RHPN2: variants seen among roughly 807,000 people sequenced by gnomAD.
The protein encoded by RHPN2 is rhophilin-2.
A neutral mutation model predicts 79.0 loss-of-function variants in RHPN2; 40 were observed. The observed-to-expected ratio is 0.51, with a 90% CI of 0.39 to 0.66. The LOEUF (loss-of-function observed/expected upper bound fraction) is 0.66. Among genes scored for constraint, RHPN2 ranks in the 30% least tolerant of loss-of-function variants. RHPN2 has a pLI of 0.00. For missense variants in RHPN2, 686 were observed against 883.5 expected (o/e 0.78, Z 2.83); for synonymous variants, 285 against 363.5 (o/e 0.78, Z 2.46).
At chr19:33,016,211 A>T (rs1179508416) in intron 4 of RHPN2, among the ~76,000 whole-genome samples, 4 of 146,896 alleles carry the variant, frequency 2.7e-5, no homozygotes, top group East Asian at 3.9e-4. Flanking sequence ...TTGATTCGAA[A>T]TTTTTTTTTT....
chr19:32,988,717 A>C (rs1002516311), intron 14 of RHPN2, among the ~76,000 whole-genome samples: 2 of 152,040 alleles, frequency 1.3e-5, no homozygotes, highest in African/African-American at 2.4e-5. Context: ...GCCCCTGCCC[A>C]GAAGGCCTTT....
intron 2 of RHPN2, among the ~76,000 whole-genome samples, chr19:33,042,813 G>A (rs2145261915): frequency 6.6e-6 from 1 of 152,288 alleles, no homozygotes; most frequent in South Asian, 2.1e-4. Context: ...AGGCACAGTG[G>A]CTCACGCCTG....
At chr19:33,017,680 C>T (rs989715723) in intron 4 of RHPN2, among the ~76,000 whole-genome samples, 1 of 129,602 alleles carries the variant, frequency 7.7e-6, no homozygotes, top group African/African-American at 2.9e-5. Flanking sequence ...GCCTGGGCAT[C>T]ATAGTGAGGA....
chr19:33,025,207 T>C (rs1301277034), intron 3 of RHPN2, among the ~76,000 whole-genome samples: 1 of 151,006 alleles, frequency 6.6e-6, no homozygotes, highest in Non-Finnish European at 1.5e-5. Context: ...GCACAGTGGC[T>C]CACATCTGTA....
intron 2 of RHPN2, among the ~76,000 whole-genome samples, chr19:33,033,887 A>G (rs1470395094): frequency 6.6e-6 from 1 of 152,004 alleles, no homozygotes; most frequent in African/African-American, 2.4e-5. Context: ...AAAATAAAAT[A>G]AAATAAAAAT....
At chr19:33,031,975 C>A (rs1354795451) in intron 2 of RHPN2, among the ~76,000 whole-genome samples, 1 of 150,258 alleles carries the variant, frequency 6.7e-6, no homozygotes, top group Non-Finnish European at 1.5e-5. Context: ...GTCTCAGCCT[C>A]CCAAAGTGCT....
At position 33,018,610 on chromosome 19, in the gene RHPN2, C is replaced by T. The variant is rs1396305148; in HGVS notation, c.390+2961G>A. On this transcript the variant is annotated intron_variant, in intron 4 of 14. Coordinates refer to ENST00000254260, the MANE Select transcript of RHPN2 (RefSeq NM_033103.5). ...TGAAACATTCAGAATACCAACTTCC[C>T]TTCTCCAATTCCAAAATAAACCCCA... 2.6e-5 allele frequency among the ~76,000 whole-genome samples: 4 copies of T among 152,136 alleles called. No homozygotes were observed. In the East Asian group the frequency reaches 5.8e-4, roughly 22 times the overall value.
chr19:33,041,186 T>G (rs765211129), intron 2 of RHPN2, among the ~76,000 whole-genome samples: 3 of 152,022 alleles, frequency 2.0e-5, no homozygotes, highest in Non-Finnish European at 2.9e-5. Flanking sequence ...TGGGGACACC[T>G]CCAAACATCC....
intron 9 of RHPN2, among the ~76,000 whole-genome samples, chr19:33,000,845 T>C (rs79936989): frequency 1.3e-5 from 2 of 152,184 alleles, no homozygotes; most frequent in African/African-American, 2.4e-5. Flanking sequence ...CATCCATGAC[T>C]GTACCATGGA....
intron 12 of RHPN2, among the ~76,000 whole-genome samples, chr19:32,992,616 C>A (rs1433139289): frequency 6.6e-6 from 1 of 152,030 alleles, no homozygotes; most frequent in Non-Finnish European, 1.5e-5. Flanking sequence ...TGAGACCAGC[C>A]TAGGCAATAT....
chr19:33,038,048 T>G (rs986586397), intron 2 of RHPN2, among the ~76,000 whole-genome samples: 6 of 151,794 alleles, frequency 4.0e-5, no homozygotes, highest in African/African-American at 1.5e-4. Context: ...ACAAAAAAAT[T>G]TTTAAAATTA....
intron 1 of RHPN2, among the ~76,000 whole-genome samples, chr19:33,054,433 C>G (rs1229988108): frequency 6.6e-6 from 1 of 152,036 alleles, no homozygotes; most frequent in Non-Finnish European, 1.5e-5. Flanking sequence ...CTCCTGACCT[C>G]AAATGATCCT....
At chr19:32,980,380 G>C in intron 14 of RHPN2, 124 bp from the exon 15 acceptor site, 3 of 1,116,812 alleles carry the variant, frequency 2.7e-6, no homozygotes, top group Admixed American at 1.7e-5. Context: ...GGCCGAGGAA[G>C]GCGGATCACT....
chr19:33,041,282 G>A (rs1972098184), intron 2 of RHPN2, among the ~76,000 whole-genome samples: 1 of 152,146 alleles, frequency 6.6e-6, no homozygotes, highest in Non-Finnish European at 1.5e-5. Flanking sequence ...AGGAAAGCAG[G>A]GCCTAATTTA....
At chr19:33,021,406 GAGTGC>G (rs370920796) in intron 4 of RHPN2, among the ~76,000 whole-genome samples, 160 bp downstream of exon 4, 33 of 152,088 alleles carry the variant, frequency 2.2e-4, no homozygotes, top group African/African-American at 5.3e-4. Flanking sequence ...GCCCAGCCTG[GAGTGC>G]AGTTGTATGA....
Position 32,992,195 on chromosome 19 carries a change from A to G in RHPN2, c.1498-226T>C, listed in dbSNP as rs540014625. ...AATAAAATTATCTTTTAGGCATTGT[A>G]TTAATTATCTTTTTCTCTTTTTTTT... On this transcript the variant is annotated intron_variant, in intron 12 of 14. Coordinates refer to ENST00000254260, the MANE Select transcript of RHPN2 (RefSeq NM_033103.5). The G allele has an allele frequency of 6.4e-4, 363 of 563,242 alleles. 2 individuals are homozygous for G. The highest frequency in any genetic ancestry group is 6.0e-3 in the African/African-American group (319 of 53,052). The allele number at this position is 563,242 out of a possible 1,614,324, so 34.9% of individuals were successfully genotyped here. A position where few individuals can be genotyped will look rare whatever the true frequency, so the allele number is the denominator to read the frequency against.
intron 14 of RHPN2, among the ~76,000 whole-genome samples, chr19:32,983,466 G>C (rs1216965299): frequency 6.6e-6 from 1 of 151,010 alleles, no homozygotes; most frequent in Non-Finnish European, 1.5e-5. Context: ...AGCTGAGATA[G>C]CGCCACTCAC....
intron 1 of RHPN2, among the ~76,000 whole-genome samples, chr19:33,050,396 C>T (rs10425324): frequency 0.38 from 57,553 of 151,986 alleles, 14,127 homozygotes; most frequent in African/African-American, 0.66. Context: ...AATTGAGATA[C>T]AATTTATATA....
chr19:33,053,506 C>T (rs1013117470), intron 1 of RHPN2, among the ~76,000 whole-genome samples: 7 of 151,178 alleles, frequency 4.6e-5, no homozygotes, highest in African/African-American at 1.7e-4. Flanking sequence ...TCACTACAAC[C>T]TCTGCCTCCT....
Sources: gnomAD v4.1 joint callset for allele counts (sites outside exome capture counted in the v4.1 genomes callset) on GRCh38, gnomAD v4.1.1 for gene constraint, MANE v1.5 for transcripts, NCBI Gene and HGNC (gene_info 2026-07-23, HGNC 2026-07-21) for gene names.